Variants in MARCOL observed in about 807,000 individuals in gnomAD.
MARCOL encodes MARCO-like protein.
chr5:148,242,537 C>A lies in MARCOL; in HGVS notation c.141C>A (p.Asn47Lys), dbSNP rs1018019211. Reference protein sequence around the residue: ...ALILEEKNEANHLGGQRDSNK... With the variant: ...ALILEEKNEAKHLGGQRDSNK... Reference sequence around the variant, plus strand: ...TTCTGGAGGAAAAAAATGAAGCTAACCATCTAGGAGGACAAAGAGATTCTA... The same window carrying A: ...TTCTGGAGGAAAAAAATGAAGCTAAACATCTAGGAGGACAAAGAGATTCTA... The change falls in exon 2 of 2, where the codon AAC becomes AAA. Residue 47 changes from asparagine to lysine, a missense_variant. Coordinates refer to ENST00000638089, the MANE Select transcript of MARCOL (RefSeq NM_001363511.2). 5 of 398,126 alleles carry A rather than the reference C, an allele frequency of 1.3e-5. No individual in the cohort carries two copies. The highest frequency in any genetic ancestry group is 2.2e-5 in the Non-Finnish European group (5 of 225,890). The allele number at this position is 398,126 out of a possible 1,614,324, so 24.7% of individuals were successfully genotyped here.
rs531221973 is a variant in MARCOL, at chr5:148,243,546, T to C, written c.*292T>C. On this transcript the variant is annotated 3_prime_UTR_variant, in exon 2 of 2. Transcript: ENST00000638089. ...AGAGCCATCTAGCCATCAGAGAAAA[T>C]TAAGGTCATTTTACAACCAACGACA... 3.2e-6 allele frequency: 1 copy of C among 317,202 alleles called. No individual in the cohort carries two copies. The highest frequency in any genetic ancestry group is 2.1e-5 in the African/African-American group (1 of 47,172). 19.6% of individuals were successfully genotyped at this position (317,202 alleles called of 1,614,324 possible).
intron 1 of MARCOL, among the ~76,000 whole-genome samples, chr5:148,239,721 GA>G: frequency 6.6e-6 from 1 of 152,020 alleles, no homozygotes; most frequent in Middle Eastern, 3.4e-3. Flanking sequence ...TTTAAAGGGG[GA>G]AAACAGATAT....
rs753267243 is a variant in MARCOL, at chr5:148,240,683, A to G, written c.50-1763A>G. Among the ~76,000 whole-genome samples, 140 of 151,962 alleles carry G rather than the reference A, an allele frequency of 9.2e-4. 1 individual carries two copies. The highest frequency in any genetic ancestry group is 2.4e-4 in the Non-Finnish European group (16 of 67,838). The stretch of plus-strand genomic sequence containing the variant: ...CTCTTTTTTCCTATTTCTTCCACAT[A>G]TCTACTTTAATTGATTTCTACTTGG... On this transcript the variant is annotated intron_variant, in intron 1 of 1. Coordinates refer to ENST00000638089, the MANE Select transcript of MARCOL (RefSeq NM_001363511.2).
chr5:148,243,015 T>C lies in MARCOL; in HGVS notation c.619T>C (p.Ser207Pro). The change falls in exon 2 of 2, where the codon TCT becomes CCT. Residue 207 changes from serine (S) to proline (P), a missense_variant. Transcript: ENST00000638089. ...TAGCCATCAAGGGAAGCCAGAGTCATCTGGCCAACAGGGGAAGCCAGGGTC... is the reference window on the plus strand; with the variant it reads ...TAGCCATCAAGGGAAGCCAGAGTCACCTGGCCAACAGGGGAAGCCAGGGTC... ...LSSHQGKPES[S>P]GQQGKPGSSS... 1 of 398,748 alleles carries C rather than the reference T, an allele frequency of 2.5e-6. No homozygotes were observed. Among genetic ancestry groups the C allele is most frequent in the Non-Finnish European group, 4.4e-6 (1 of 225,982 alleles). 24.7% of individuals were successfully genotyped at this position (398,748 alleles called of 1,614,324 possible). A position where few individuals can be genotyped will look rare whatever the true frequency, so the allele number is the denominator to read the frequency against.
In MARCOL at chr5:148,238,591, C is replaced by T. The variant is rs762134993; in HGVS notation, c.-7C>T. On this transcript the variant is annotated 5_prime_UTR_variant, in exon 1 of 2. The change creates a new upstream start codon in the 5' untranslated region. Coordinates refer to ENST00000638089, the MANE Select transcript of MARCOL (RefSeq NM_001363511.2). ...CAACAGCCAAGTCTGAAACCACTGA[C>T]GGTACCATGAGGGCTTTCATTTTCT... 3 of 398,056 alleles carry T rather than the reference C, an allele frequency of 7.5e-6. No homozygotes were observed. Among genetic ancestry groups the T allele is most frequent in the Non-Finnish European group, 8.9e-6 (2 of 225,436 alleles). The allele number at this position is 398,056 out of a possible 1,614,324, so 24.7% of individuals were successfully genotyped here. A position where few individuals can be genotyped will look rare whatever the true frequency, so the allele number is the denominator to read the frequency against.
At position 148,242,739 on chromosome 5, in the gene MARCOL, G is replaced by T. The variant is rs1353273300; in HGVS notation, c.343G>T (p.Glu115Ter). 1 of 398,282 alleles carries T rather than the reference G, an allele frequency of 2.5e-6. No homozygotes were observed. The allele number at this position is 398,282 out of a possible 1,614,324, so 24.7% of individuals were successfully genotyped here. A position where few individuals can be genotyped will look rare whatever the true frequency, so the allele number is the denominator to read the frequency against. Reference sequence around the variant, plus strand: ...AAAATCTAACCAAAAAGGGAATCCAGAATCTTCTAATAAGCAGGAAAACTC... The same window carrying T: ...AAAATCTAACCAAAAAGGGAATCCATAATCTTCTAATAAGCAGGAAAACTC... The part of the protein sequence containing the change: ...SGKSNQKGNP[E>*]SSNKQENSGS... The change falls in exon 2 of 2, where the codon GAA (glutamate) becomes TAA (stop). Residue 115 changes from glutamate to a stop codon, truncating the protein, a stop_gained. Transcript: ENST00000638089. LOFTEE classifies it low-confidence loss of function (END_TRUNC).
Position 148,243,510 on chromosome 5 carries a change from G to T in MARCOL, c.*256G>T, listed in dbSNP as rs952946943. The T allele has an allele frequency of 8.4e-6, 3 of 355,744 alleles. No homozygotes were observed. The highest frequency in any genetic ancestry group is 1.0e-5 in the Non-Finnish European group (2 of 199,600). The allele number at this position is 355,744 out of a possible 1,614,324, so 22.0% of individuals were successfully genotyped here. On this transcript the variant is annotated 3_prime_UTR_variant, in exon 2 of 2. Transcript: ENST00000638089. ...AGGAAATATAGGGTCATCTGGCCAG[G>T]AATGGAAGCCAGAGCCATCTAGCCA... is the stretch of plus-strand genomic sequence containing the variant.
chr5:148,242,882 T>C lies in MARCOL; in HGVS notation c.486T>C (p.Ser162=). The C allele has an allele frequency of 2.5e-6, 1 of 399,150 alleles. No homozygotes were observed. The highest frequency in any genetic ancestry group is 4.4e-6 in the Non-Finnish European group (1 of 226,440). The allele number at this position is 399,150 out of a possible 1,614,324, so 24.7% of individuals were successfully genotyped here. A position where few individuals can be genotyped will look rare whatever the true frequency, so the allele number is the denominator to read the frequency against. The change falls in exon 2 of 2, where the codon TCT becomes TCC. Residue 162 remains serine, a synonymous_variant. Coordinates refer to ENST00000638089, the MANE Select transcript of MARCOL (RefSeq NM_001363511.2). ...SFSQKVMVGS[S]SQQGKPGSSS... is the part of the protein sequence containing the mutation. ...GCCAGAAAGTGATGGTGGGGTCATC[T>C]AGCCAACAGGGGAAGCCAGGATCAT...
In MARCOL at chr5:148,242,794, G is replaced by T. The variant is rs1047399137; in HGVS notation, c.398G>T (p.Gly133Val). 5.0e-6 allele frequency: 2 copies of T among 398,314 alleles called. No homozygotes were observed. Among genetic ancestry groups the T allele is most frequent in the African/African-American group, 4.1e-5 (2 of 48,584 alleles). 24.7% of individuals were successfully genotyped at this position (398,314 alleles called of 1,614,324 possible). ...SGSSSQLGRP[G>V]ISTQQGNPGS... ...TCTTCTAGCCAACTAGGGAGACCAG[G>T]GATTTCTACCCAACAGGGAAATCCA... The change falls in exon 2 of 2, where the codon GGG becomes GTG. Residue 133 changes from glycine to valine, a missense_variant. Coordinates refer to ENST00000638089, the MANE Select transcript of MARCOL (RefSeq NM_001363511.2).
At chr5:148,241,057 AATT>A (rs1485823549) in intron 1 of MARCOL, among the ~76,000 whole-genome samples, 2 of 151,924 alleles carry the variant, frequency 1.3e-5, no homozygotes, top group East Asian at 3.9e-4. Flanking sequence ...TATAATAACA[AATT>A]ATTTAAATTT....
In MARCOL at chr5:148,238,609, C is replaced by A. The variant is rs1755931416; in HGVS notation, c.12C>A (p.Phe4Leu). 1 of 398,122 alleles carries A rather than the reference C, an allele frequency of 2.5e-6. No homozygotes were observed. The highest frequency in any genetic ancestry group is 2.1e-5 in the African/African-American group (1 of 48,578). 24.7% of individuals were successfully genotyped at this position (398,122 alleles called of 1,614,324 possible). A position where few individuals can be genotyped will look rare whatever the true frequency, so the allele number is the denominator to read the frequency against. The change falls in exon 1 of 2, where the codon TTC (phenylalanine) becomes TTA (leucine). Residue 4 changes from phenylalanine to leucine, a missense_variant. Transcript: ENST00000638089. ...CCACTGACGGTACCATGAGGGCTTT[C>A]ATTTTCTTTCTCTTCATGCTCCTGG... MRA[F>L]IFFLFMLLAM...
rs114994540 is a variant in MARCOL, at chr5:148,242,036, G to A, written c.50-410G>A. Among the ~76,000 whole-genome samples, 1,042 of 152,250 alleles carry A rather than the reference G, an allele frequency of 6.8e-3. 6 individuals carry two copies. Among genetic ancestry groups the A allele is most frequent in the African/African-American group, 0.024 (977 of 41,556 alleles). On this transcript the variant is annotated intron_variant, in intron 1 of 1. Transcript: ENST00000638089. ...TTTTCCTGTCTGGAAAGTTGATGGC[G>A]TTATCCGTAAAGTGAAGCTGGAAAA...
chr5:148,242,546 A>G lies in MARCOL; in HGVS notation c.150A>G (p.Gly50=), dbSNP rs1755978779. Residue 50 remains glycine (G), a synonymous_variant, in exon 2 of 2, where the codon GGA becomes GGG. Coordinates refer to ENST00000638089, the MANE Select transcript of MARCOL (RefSeq NM_001363511.2). Reference sequence around the variant, plus strand: ...AAAAAAATGAAGCTAACCATCTAGGAGGACAAAGAGATTCTAATAAGCAAG... The same window carrying G: ...AAAAAAATGAAGCTAACCATCTAGGGGGACAAAGAGATTCTAATAAGCAAG... ...LEEKNEANHL[G]GQRDSNKQGG... The G allele has an allele frequency of 5.0e-6, 2 of 398,246 alleles. No individual in the cohort carries two copies. The highest frequency in any genetic ancestry group is 6.2e-4 in the Middle Eastern group (1 of 1,610). 24.7% of individuals were successfully genotyped at this position (398,246 alleles called of 1,614,324 possible).
Position 148,243,097 on chromosome 5 carries a change from C to T in MARCOL, c.701C>T (p.Ser234Phe). Residue 234 changes from serine to phenylalanine, a missense_variant, in exon 2 of 2, where the codon TCT becomes TTT. Ser to Phe is a radical substitution (Grantham distance 155). Transcript: ENST00000638089. ...GGCCAACAGGAGAAGCCAGGATCTT[C>T]TAGCCAACAGGGGAAGCCAGGGTTG... ...TSGQQEKPGS[S>F]SQQGKPGLSS... 2.5e-6 allele frequency: 1 copy of T among 399,828 alleles called. No homozygotes were observed. Among genetic ancestry groups the T allele is most frequent in the Non-Finnish European group, 4.4e-6 (1 of 226,974 alleles). 24.8% of individuals were successfully genotyped at this position (399,828 alleles called of 1,614,324 possible).
At position 148,242,628 on chromosome 5, in the gene MARCOL, T is replaced by C; in HGVS notation, c.232T>C (p.Tyr78His). ...GTTTAGGCTTCAAGGACAACCAGGC[T>C]ATTTTAACAAGCTAGAGAAACCAAG... is the stretch of plus-strand genomic sequence containing the variant. ...GTFRLQGQPG[Y>H]FNKLEKPRHF... The change falls in exon 2 of 2, where the codon TAT becomes CAT. Residue 78 changes from tyrosine to histidine, a missense_variant. Coordinates refer to ENST00000638089, the MANE Select transcript of MARCOL (RefSeq NM_001363511.2). 1 of 398,454 alleles carries C rather than the reference T, an allele frequency of 2.5e-6. No individual in the cohort carries two copies. Among genetic ancestry groups the C allele is most frequent in the Non-Finnish European group, 4.4e-6 (1 of 225,978 alleles). 24.7% of individuals were successfully genotyped at this position (398,454 alleles called of 1,614,324 possible).
chr5:148,243,570 C>A lies in MARCOL; in HGVS notation c.*316C>A. On this transcript the variant is annotated 3_prime_UTR_variant, in exon 2 of 2. Coordinates refer to ENST00000638089, the MANE Select transcript of MARCOL (RefSeq NM_001363511.2). ...ATTAAGGTCATTTTACAACCAACGA[C>A]AAAGAAAAAATATTGACAGCACTTT... The A allele has an allele frequency of 2.2e-4, 55 of 254,146 alleles. No individual in the cohort carries two copies. Among genetic ancestry groups the A allele is most frequent in the Non-Finnish European group, 2.4e-4 (32 of 134,864 alleles). 15.7% of individuals were successfully genotyped at this position (254,146 alleles called of 1,614,324 possible). A position where few individuals can be genotyped will look rare whatever the true frequency, so the allele number is the denominator to read the frequency against.
intron 1 of MARCOL, among the ~76,000 whole-genome samples, chr5:148,240,551 GAAAGT>G (rs1337335903): frequency 6.6e-6 from 1 of 151,630 alleles, no homozygotes; most frequent in Non-Finnish European, 1.5e-5. Flanking sequence ...GAAAGAAAAG[GAAAGT>G]AATTTTAAAC....
At chr5:148,240,864 G>T (rs1233046611) in intron 1 of MARCOL, among the ~76,000 whole-genome samples, 1 of 151,774 alleles carries the variant, frequency 6.6e-6, no homozygotes, top group Non-Finnish European at 1.5e-5. Flanking sequence ...AAGAAAAAAG[G>T]ATTCCACACT....
intron 1 of MARCOL, 67 bp from the exon 2 acceptor site, chr5:148,242,379 T>C (rs963684279): frequency 1.3e-5 from 5 of 396,360 alleles, no homozygotes; most frequent in Admixed American, 4.4e-5. Flanking sequence ...ACAAATGTTG[T>C]TGATTTAAAA....
Sources: allele counts gnomAD v4.1 joint callset (sites outside exome capture counted in the v4.1 genomes callset), GRCh38; gene constraint gnomAD v4.1.1; transcripts MANE v1.5; gene names NCBI Gene and HGNC (gene_info 2026-07-23, HGNC 2026-07-21).